HECW1: variants seen among roughly 807,000 people sequenced by gnomAD.
HECW1 encodes the protein E3 ubiquitin-protein ligase HECW1.
In HECW1, 61 loss-of-function variants were observed where a neutral mutation model predicts 182.3. That is an observed-to-expected ratio of 0.33 (90% CI 0.27 to 0.41). HECW1 has a LOEUF of 0.41. Ranked by LOEUF, HECW1 falls within the 10% of genes least tolerant of loss-of-function variation. The probability of loss-of-function intolerance (pLI) is 1.00; values close to 1 mark genes in which losing one functional copy is unlikely to be tolerated. For synonymous variants in HECW1, 859 were observed against 832.6 expected (o/e 1.03, Z -0.55); for missense variants, 1,739 against 2,108.9 (o/e 0.82, Z 3.44).
chr7:43,113,385 A>T (rs996964132), intron 1 of HECW1, among the ~76,000 whole-genome samples: 45 of 151,902 alleles, frequency 3.0e-4, no homozygotes, highest in African/African-American at 1.1e-3. Context: ...GCTTTTGAAC[A>T]ATTGTGTCCC....
chr7:43,456,236 G>A, intron 12 of HECW1, 61 bp from the exon 13 acceptor site: 10 of 1,528,400 alleles, frequency 6.5e-6, no homozygotes, highest in Non-Finnish European at 8.9e-6. Flanking sequence ...AGTTGTATGT[G>A]TTTCACGTGG....
chr7:43,559,135 C>G (rs2082127349), intron 29 of HECW1, among the ~76,000 whole-genome samples: 1 of 152,154 alleles, frequency 6.6e-6, no homozygotes, highest in African/African-American at 2.4e-5. Flanking sequence ...GTTAACATTT[C>G]AATCTATAAC....
chr7:43,457,727 A>T (rs1272623603), intron 13 of HECW1, among the ~76,000 whole-genome samples: 1 of 151,892 alleles, frequency 6.6e-6, no homozygotes, highest in Non-Finnish European at 1.5e-5. Context: ...GTGAGCTGAC[A>T]TCACACCACT....
intron 3 of HECW1, among the ~76,000 whole-genome samples, chr7:43,248,010 A>C (rs1476271868): frequency 9.2e-6 from 1 of 108,744 alleles, no homozygotes; most frequent in Non-Finnish European, 1.7e-5. Flanking sequence ...GGAAAGAAAG[A>C]GAGAAAGAAG....
At chr7:43,357,162 T>C (rs1815257423) in intron 5 of HECW1, among the ~76,000 whole-genome samples, 1 of 152,076 alleles carries the variant, frequency 6.6e-6, no homozygotes. Flanking sequence ...TATGAAAAAC[T>C]AACAGATTCC....
chr7:43,301,235 C>T (rs915686408), intron 3 of HECW1, among the ~76,000 whole-genome samples: 2 of 152,224 alleles, frequency 1.3e-5, no homozygotes, highest in African/African-American at 4.8e-5. Context: ...AATCTGGAAG[C>T]TCAGCATGCT....
chr7:43,195,486 T>A (rs1794372786), intron 2 of HECW1, among the ~76,000 whole-genome samples: 1 of 152,076 alleles, frequency 6.6e-6, no homozygotes, highest in Non-Finnish European at 1.5e-5. Context: ...CCAGTAGCCC[T>A]CCCTGCTTGG....
At chr7:43,547,986 C>G (rs551069848) in intron 26 of HECW1, among the ~76,000 whole-genome samples, 1 of 152,340 alleles carries the variant, frequency 6.6e-6, no homozygotes, top group South Asian at 2.1e-4. Flanking sequence ...CAAAAAACAG[C>G]AGGAGGTGAC....
intron 5 of HECW1, among the ~76,000 whole-genome samples, chr7:43,348,097 C>G (rs1385431037): frequency 6.6e-6 from 1 of 152,100 alleles, no homozygotes; most frequent in African/African-American, 2.4e-5. Context: ...AGTACCAATT[C>G]ATCTTTCAAT....
intron 5 of HECW1, among the ~76,000 whole-genome samples, chr7:43,339,952 T>A (rs1812751758): frequency 6.6e-6 from 1 of 151,956 alleles, no homozygotes; most frequent in African/African-American, 2.4e-5. Context: ...GCTTCAGTAT[T>A]TGTGAATGTC....
chr7:43,372,068 C>T (rs910618660), intron 6 of HECW1, among the ~76,000 whole-genome samples: 4 of 152,112 alleles, frequency 2.6e-5, no homozygotes, highest in Non-Finnish European at 4.4e-5. Flanking sequence ...GAGATCTGCC[C>T]GTCTCAGCCT....
intron 2 of HECW1, among the ~76,000 whole-genome samples, chr7:43,159,615 C>T (rs1490707476): frequency 6.6e-6 from 1 of 151,344 alleles, no homozygotes; most frequent in Non-Finnish European, 1.5e-5. Context: ...TCTACTAACA[C>T]ATACAAAAAA....
chr7:43,289,716 A>G (rs778157059), intron 3 of HECW1, among the ~76,000 whole-genome samples: 40 of 152,352 alleles, frequency 2.6e-4, no homozygotes, highest in Non-Finnish European at 5.1e-4. Flanking sequence ...ACTGCCTGGA[A>G]AACAATCTCA....
intron 6 of HECW1, among the ~76,000 whole-genome samples, chr7:43,364,626 G>A (rs1816394641): frequency 6.6e-6 from 1 of 152,266 alleles, no homozygotes; most frequent in Non-Finnish European, 1.5e-5. Context: ...AAGACAGACA[G>A]GCAAGGCCAG....
At chr7:43,184,107 G>A (rs1793136171) in intron 2 of HECW1, among the ~76,000 whole-genome samples, 1 of 152,052 alleles carries the variant, frequency 6.6e-6, no homozygotes, top group African/African-American at 2.4e-5. Flanking sequence ...TCCACCTCCT[G>A]AGTTCACGCC....
At chr7:43,123,668 C>G (rs1219843224) in intron 2 of HECW1, among the ~76,000 whole-genome samples, 2 of 152,144 alleles carry the variant, frequency 1.3e-5, no homozygotes, top group Non-Finnish European at 2.9e-5. Context: ...AATGATCTGG[C>G]TTGGTGCACA....
At chr7:43,516,815 AGCCTATT>A (rs2080174961) in intron 24 of HECW1, among the ~76,000 whole-genome samples, 1 of 152,246 alleles carries the variant, frequency 6.6e-6, no homozygotes, top group Admixed American at 6.5e-5. Flanking sequence ...TCTATGCTAT[AGCCTATT>A]GCTCCTGGGC....
chr7:43,511,820 T>C (rs2079887870), intron 24 of HECW1: 2 of 179,812 alleles, frequency 1.1e-5, no homozygotes, highest in South Asian at 4.0e-4. Flanking sequence ...GCCAGCATTT[T>C]AGCAAAGGGA....
chr7:43,341,423 A>G lies in HECW1; in HGVS notation c.461-19463A>G, dbSNP rs902956895. ...TGCTATCGTATTTAAAGACATTAACATGGGATTTATTCTTCTAAATAACAA... is the reference window on the plus strand; with the variant it reads ...TGCTATCGTATTTAAAGACATTAACGTGGGATTTATTCTTCTAAATAACAA... On this transcript the variant is annotated intron_variant, in intron 5 of 29. Transcript: ENST00000395891. 9.2e-5 allele frequency among the ~76,000 whole-genome samples: 14 copies of G among 151,800 alleles called. 1 individual carries two copies. Among genetic ancestry groups the G allele is most frequent in the African/African-American group, 3.4e-4 (14 of 41,090 alleles).
Sources: allele counts gnomAD v4.1 joint callset (sites outside exome capture counted in the v4.1 genomes callset), GRCh38; gene constraint gnomAD v4.1.1; transcripts MANE v1.5; gene names NCBI Gene and HGNC (gene_info 2026-07-23, HGNC 2026-07-21).